NSG1: variants seen among roughly 807,000 people sequenced by gnomAD.
The protein encoded by NSG1 is neuronal vesicle trafficking-associated protein 1.
NSG1 carries 9 observed loss-of-function variants against 19.3 expected under a neutral mutation model. The observed-to-expected ratio is 0.47, with a 90% confidence interval of 0.28 to 0.81. NSG1 has a LOEUF of 0.81. Ranked by LOEUF, NSG1 falls within the 40% of genes least tolerant of loss-of-function variation. The probability of loss-of-function intolerance (pLI) is 0.11; values close to 1 mark genes in which losing one functional copy is unlikely to be tolerated. For missense variants in NSG1, 236 were observed against 242.4 expected, an observed-to-expected ratio of 0.97 and a Z score of 0.18; for synonymous variants, 104 against 107.0, an observed-to-expected ratio of 0.97 and a Z score of 0.17.
intron 4 of NSG1, among the ~76,000 whole-genome samples, chr4:4,410,039 A>T (rs1724088954): frequency 6.6e-6 from 1 of 152,166 alleles, no homozygotes; most frequent in Non-Finnish European, 1.5e-5. Context: ...GGAGGGAGGG[A>T]GAGAGACGGG....
At chr4:4,413,728 G>T (rs1396798614) in intron 4 of NSG1, among the ~76,000 whole-genome samples, 1 of 151,772 alleles carries the variant, frequency 6.6e-6, no homozygotes. Flanking sequence ...AGGGGGAAGT[G>T]ATAGGGTGAC....
chr4:4,402,395 T>A (rs866052374), intron 3 of NSG1, among the ~76,000 whole-genome samples: 6 of 109,188 alleles, frequency 5.5e-5, no homozygotes, highest in Admixed American at 9.0e-5. Flanking sequence ...TTTTTTTTTT[T>A]TTTTTTTTTT....
intron 3 of NSG1, among the ~76,000 whole-genome samples, chr4:4,402,268 T>C (rs1046942053): frequency 3.3e-5 from 5 of 150,482 alleles, no homozygotes; most frequent in African/African-American, 4.9e-5. Flanking sequence ...GTGCAGTCCA[T>C]GATCTTGGCT....
At chr4:4,393,947 C>G (rs1050640681) in intron 3 of NSG1, among the ~76,000 whole-genome samples, 3 of 152,216 alleles carry the variant, frequency 2.0e-5, no homozygotes, top group African/African-American at 7.2e-5. Context: ...GCCCTGTTTC[C>G]AGTGCCTTTT....
At chr4:4,400,631 A>T (rs1370917794) in intron 3 of NSG1, among the ~76,000 whole-genome samples, 4 of 152,274 alleles carry the variant, frequency 2.6e-5, no homozygotes, top group South Asian at 2.1e-4. Flanking sequence ...TCCTTCAAAA[A>T]TTTTTTATAG....
chr4:4,394,200 C>A (rs1327751204), intron 3 of NSG1, among the ~76,000 whole-genome samples: 1 of 152,178 alleles, frequency 6.6e-6, no homozygotes, highest in African/African-American at 2.4e-5. Flanking sequence ...GGAGCACTCA[C>A]CCCAGGCGCC....
In NSG1 at chr4:4,418,925, C is replaced by A. The variant is rs561455300; in HGVS notation, c.*1490C>A. The A allele has an allele frequency of 6.6e-6, 1 of 152,266 alleles. No homozygotes were observed. The highest frequency in any genetic ancestry group is 2.4e-5 in the African/African-American group (1 of 41,476). 9.4% of individuals were successfully genotyped at this position (152,266 alleles called of 1,614,324 possible). A position where few individuals can be genotyped will look rare whatever the true frequency, so the allele number is the denominator to read the frequency against. ...GCTTCCCTGCGCATCTGAATAGACA[C>A]AAGTGAAGCCCGTGTGCGCACAGTG... On this transcript the variant is annotated 3_prime_UTR_variant, in exon 5 of 5. Transcript: ENST00000621129.
chr4:4,387,584 C>T lies in NSG1; in HGVS notation c.-26-20C>T, dbSNP rs1722793658. The T allele has an allele frequency of 3.8e-6, 6 of 1,581,898 alleles. No homozygotes were observed. Among genetic ancestry groups the T allele is most frequent in the Non-Finnish European group, 4.3e-6 (5 of 1,161,362 alleles). On this transcript the variant is annotated intron_variant, in intron 1 of 4. Transcript: ENST00000621129. The stretch of plus-strand genomic sequence containing the variant: ...CCCGGGTCTTGCTTGTGGTGACTCC[C>T]CCCGGCCCTCCCGCCGCAGGCTGCA...
rs114048395 is a variant in NSG1 at position 4,387,473 on chromosome 4, G to C, written c.-26-131G>C. The C allele has an allele frequency of 8.5e-3, 5,291 of 624,288 alleles. 142 individuals carry two copies. Among genetic ancestry groups the C allele is most frequent in the African/African-American group, 0.064 (3,413 of 53,056 alleles). 38.7% of individuals were successfully genotyped at this position (624,288 alleles called of 1,614,324 possible). ...GGCCGTGACCACCGCGTCCCCACGAGCCCTCCCCGAGACGAAGCGGGGCCG... is the reference window on the plus strand; with the variant it reads ...GGCCGTGACCACCGCGTCCCCACGACCCCTCCCCGAGACGAAGCGGGGCCG... On this transcript the variant is annotated intron_variant, in intron 1 of 4. Transcript: ENST00000621129.
chr4:4,402,635 G>A lies in NSG1; in HGVS notation c.247-6938G>A, dbSNP rs1010515735. 3.9e-5 allele frequency among the ~76,000 whole-genome samples: 6 copies of A among 152,094 alleles called. No homozygotes were observed. The East Asian group carries it at 5.8e-4, about 15-fold the overall frequency. On this transcript the variant is annotated intron_variant, in intron 3 of 4. Transcript: ENST00000621129. ...GATCTCCTGACCTCGTGATCCGCCC[G>A]CCTCGGCCTCCCAAAGGGCTGGAAT...
intron 3 of NSG1, among the ~76,000 whole-genome samples, chr4:4,408,615 A>C (rs966437061): frequency 2.0e-5 from 3 of 152,128 alleles, no homozygotes; most frequent in Non-Finnish European, 4.4e-5. Context: ...GTGCGCACCA[A>C]CATGCCCGGC....
upstream of NSG1, chr4:4,386,796 C>G (rs1225765966): frequency 2.6e-5 from 4 of 152,764 alleles, no homozygotes; most frequent in African/African-American, 9.7e-5. Context: ...GCAGCCCTCC[C>G]GCTCCGGGCG....
At chr4:4,397,586 A>C (rs867654489) in intron 3 of NSG1, among the ~76,000 whole-genome samples, 1 of 152,190 alleles carries the variant, frequency 6.6e-6, no homozygotes, top group Non-Finnish European at 1.5e-5. Context: ...CCAGACGGTG[A>C]GCGTTCCCAG....
In NSG1 at chr4:4,417,436, CG is replaced by C; in HGVS notation, c.*4del. The stretch of plus-strand genomic sequence containing the variant: ...TGAAGCGGCTGAGAAGTCAGCTTAG[CG>C]GGATGGGCAAGTTCCTTACAATGTG... On this transcript the variant is annotated 3_prime_UTR_variant, in exon 5 of 5. Transcript: ENST00000621129. The C allele has an allele frequency of 6.2e-7, 1 of 1,613,972 alleles. No homozygotes were observed. Among genetic ancestry groups the C allele is most frequent in the Non-Finnish European group, 8.5e-7 (1 of 1,179,870 alleles).
chr4:4,406,168 C>T (rs964384528), intron 3 of NSG1, among the ~76,000 whole-genome samples: 15 of 152,182 alleles, frequency 9.9e-5, no homozygotes, highest in Non-Finnish European at 1.6e-4. Flanking sequence ...GCTGGGATTA[C>T]AGGCACTCAC....
At chr4:4,398,567 T>C (rs973126768) in intron 3 of NSG1, among the ~76,000 whole-genome samples, 1 of 152,238 alleles carries the variant, frequency 6.6e-6, no homozygotes, top group African/African-American at 2.4e-5. Context: ...TCTGGCCTCT[T>C]TCACTTAGCA....
chr4:4,391,410 C>T lies in NSG1; in HGVS notation c.130-65C>T, dbSNP rs1380075071. The T allele has an allele frequency of 3.7e-6, 4 of 1,086,980 alleles. No homozygotes were observed. The African/African-American group carries it at 4.7e-5, about 13-fold the overall frequency. 67.3% of individuals were successfully genotyped at this position (1,086,980 alleles called of 1,614,324 possible). ...GACTTTGAATATGGGAGTTCCCAGA[C>T]CCACCCTCTTTGGGCAGATATGTCT... is the stretch of plus-strand genomic sequence containing the variant. On this transcript the variant is annotated intron_variant, in intron 2 of 4. Coordinates refer to ENST00000621129, the MANE Select transcript of NSG1 (RefSeq NM_014392.5).
chr4:4,409,935 G>A (rs1228179742), intron 4 of NSG1, among the ~76,000 whole-genome samples: 3 of 152,232 alleles, frequency 2.0e-5, no homozygotes, highest in East Asian at 3.8e-4. Context: ...TCAGCAGTCC[G>A]GGGAAGGGCC....
At chr4:4,387,369 G>C (rs1442970702) in intron 1 of NSG1, among the ~76,000 whole-genome samples, 196 bp downstream of exon 1, 1 of 152,118 alleles carries the variant, frequency 6.6e-6, no homozygotes, top group Admixed American at 6.5e-5. Context: ...CCCTGGCCGC[G>C]GTGCGCCCTT....
Sources: gnomAD v4.1 joint callset for allele counts (sites outside exome capture counted in the v4.1 genomes callset) on GRCh38, gnomAD v4.1.1 for gene constraint, MANE v1.5 for transcripts, NCBI Gene and HGNC (gene_info 2026-07-23, HGNC 2026-07-21) for gene names.